Variants in LGALS8 observed in about 807,000 individuals in gnomAD.
LGALS8 encodes galectin 8, also known as galectin-8.
A neutral mutation model predicts 35.9 loss-of-function variants in LGALS8; 30 were observed. The ratio of observed to expected loss-of-function variants is 0.83; its 90% CI spans 0.62 to 1.13. The LOEUF (loss-of-function observed/expected upper bound fraction) is 1.13. Ranked by LOEUF, LGALS8 falls within the 50% of genes most tolerant of loss-of-function variation. The probability of loss-of-function intolerance (pLI) is 0.00; values close to 1 mark genes in which losing one functional copy is unlikely to be tolerated. For synonymous variants in LGALS8, 138 were observed against 136.1 expected, an observed-to-expected ratio of 1.01 and a Z score of -0.10; for missense variants, 366 against 388.7, an observed-to-expected ratio of 0.94 and a Z score of 0.49.
rs772757637 is a variant in LGALS8, at chr1:236,550,962, G to A, written c.*2801G>A. Reference sequence around the variant, plus strand: ...TTTCCAGTTGCTGAATAGTCTTTTGGCACTGATGTTCTACTTCTTCACATT... The same window carrying A: ...TTTCCAGTTGCTGAATAGTCTTTTGACACTGATGTTCTACTTCTTCACATT... On this transcript the variant is annotated 3_prime_UTR_variant, in exon 10 of 10. Transcript: ENST00000366584. 8 of 1,570,356 alleles carry A rather than the reference G, an allele frequency of 5.1e-6. No individual in the cohort carries two copies. Among genetic ancestry groups the A allele is most frequent in the East Asian group, 2.2e-5 (1 of 44,602 alleles).
rs376736363 is a variant in LGALS8 at position 236,546,565 on chromosome 1, T to A, written c.805-1447T>A. On this transcript the variant is annotated intron_variant, in intron 9 of 9. Transcript: ENST00000366584. ...TCCGTGTTCCAGCTGTTCGGCAGCA[T>A]CAGATGGTTGTGAGGGATTCTGTTG... Among the ~76,000 whole-genome samples, 11 of 152,298 alleles carry A rather than the reference T, an allele frequency of 7.2e-5. No homozygotes were observed. The East Asian group carries it at 2.1e-3, about 29-fold the overall frequency.
chr1:236,540,515 C>T, intron 4 of LGALS8, 49 bp from the exon 5 acceptor site: 1 of 1,449,952 alleles, frequency 6.9e-7, no homozygotes, highest in Non-Finnish European at 9.1e-7. Context: ...AATTTATTAA[C>T]TGTTTTTTTT....
At chr1:236,520,596 G>A (rs1008319623), upstream of LGALS8, among the ~76,000 whole-genome samples, 9 of 152,038 alleles carry the variant, frequency 5.9e-5, no homozygotes, top group Admixed American at 1.3e-4. Context: ...GCTTACTTCC[G>A]TCCTCCTTGG....
Position 236,548,055 on chromosome 1 carries a change from A to G in LGALS8, c.848A>G (p.Asn283Ser). The change falls in exon 10 of 10, where the codon AAT becomes AGT. Residue 283 changes from asparagine (N) to serine (S), a missense_variant. By Grantham distance (46) the Asn-to-Ser change is conservative. Transcript: ENST00000366584. The stretch of plus-strand genomic sequence containing the variant: ...GTTAGAGAATTCAAGGTTGCAGTAA[A>G]TGGCGTACACAGCCTGGAGTACAAA... ...CDVREFKVAV[N>S]GVHSLEYKHR... 2 of 1,613,178 alleles carry G rather than the reference A, an allele frequency of 1.2e-6. No individual in the cohort carries two copies. Among genetic ancestry groups the G allele is most frequent in the Non-Finnish European group, 1.7e-6 (2 of 1,179,090 alleles).
rs1369016226 is a variant in LGALS8 at position 236,550,909 on chromosome 1, T to C, written c.*2748T>C. ...GAAACACCACAGAAAGTCTTAGAAA[T>C]AGCTCTGGAGTGGCTCTCCCAGGAC... On this transcript the variant is annotated 3_prime_UTR_variant, in exon 10 of 10. Coordinates refer to ENST00000366584, the MANE Select transcript of LGALS8 (RefSeq NM_201544.4). 3 of 1,601,048 alleles carry C rather than the reference T, an allele frequency of 1.9e-6. No individual in the cohort carries two copies. The highest frequency in any genetic ancestry group is 1.7e-6 in the Non-Finnish European group (2 of 1,175,644).
chr1:236,544,645 G>C lies in LGALS8; in HGVS notation c.639-105G>C, dbSNP rs980913466. ...TCCATGTGGATACGTGTGTTTCATA[G>C]AGTTAGAATCATAGTTCAAGTCTGG... On this transcript the variant is annotated intron_variant, in intron 8 of 9. Coordinates refer to ENST00000366584, the MANE Select transcript of LGALS8 (RefSeq NM_201544.4). The C allele has an allele frequency of 3.7e-6, 3 of 819,142 alleles. No homozygotes were observed. The African/African-American group carries it at 5.2e-5, about 14-fold the overall frequency. The allele number at this position is 819,142 out of a possible 1,614,324, so 50.7% of individuals were successfully genotyped here.
chr1:236,532,899 G>A (rs1661230357), intron 2 of LGALS8, among the ~76,000 whole-genome samples: 1 of 152,178 alleles, frequency 6.6e-6, no homozygotes, highest in Admixed American at 6.5e-5. Flanking sequence ...GCTTTGTCAT[G>A]TATTTAGTGG....
chr1:236,535,472 A>G (rs1029587015), intron 2 of LGALS8, among the ~76,000 whole-genome samples: 3 of 93,628 alleles, frequency 3.2e-5, no homozygotes, highest in African/African-American at 9.7e-5. Context: ...TTTCTCACTT[A>G]TATTACTAAC....
chr1:236,525,445 C>CA (rs1255978957), intron 1 of LGALS8: 41 of 151,222 alleles, frequency 2.7e-4, no homozygotes, highest in African/African-American at 9.9e-4. Context: ...TTCTGTTGCC[C>CA]AGGCTGGAGT....
chr1:236,528,803 G>A (rs868836434), intron 2 of LGALS8, among the ~76,000 whole-genome samples: 9 of 152,200 alleles, frequency 5.9e-5, no homozygotes, highest in South Asian at 2.1e-4. Context: ...TTACAGGCAT[G>A]AGCCACCATG....
chr1:236,534,790 C>T (rs113616054), intron 2 of LGALS8, among the ~76,000 whole-genome samples: 20 of 152,144 alleles, frequency 1.3e-4, no homozygotes, highest in African/African-American at 4.6e-4. Flanking sequence ...GCGGTAGCTT[C>T]TCCCAAAGCT....
upstream of LGALS8, among the ~76,000 whole-genome samples, chr1:236,519,517 T>A (rs1660493688): frequency 6.6e-6 from 1 of 152,224 alleles, no homozygotes; most frequent in Non-Finnish European, 1.5e-5. Flanking sequence ...GATCCTTTTA[T>A]CTGCATAACT....
At chr1:236,538,780 T>C in intron 3 of LGALS8, 99 bp from the exon 4 acceptor site, 2 of 809,058 alleles carry the variant, frequency 2.5e-6, no homozygotes, top group South Asian at 2.8e-5. Context: ...GATTGGTCAG[T>C]CCCTTGTCAC....
chr1:236,530,213 T>C (rs1249427873), intron 2 of LGALS8, among the ~76,000 whole-genome samples: 10 of 152,350 alleles, frequency 6.6e-5, no homozygotes, highest in African/African-American at 2.4e-4. Flanking sequence ...GGTACCCAGT[T>C]TTCTTAGGAA....
In LGALS8 at chr1:236,551,314, C is replaced by T. The variant is rs1178483153; in HGVS notation, c.*3153C>T. On this transcript the variant is annotated 3_prime_UTR_variant, in exon 10 of 10. Transcript: ENST00000366584. ...AACAAAGGAGAATGTACTTTTGTAG[C>T]TTAGATAAGCAATGAATCAGTAAAG... The T allele has an allele frequency of 3.4e-6, 1 of 291,008 alleles. No homozygotes were observed. Among genetic ancestry groups the T allele is most frequent in the Admixed American group, 4.8e-5 (1 of 20,792 alleles). The allele number at this position is 291,008 out of a possible 1,614,324, so 18.0% of individuals were successfully genotyped here.
chr1:236,550,883 T>G lies in LGALS8; in HGVS notation c.*2722T>G. 1 of 1,563,078 alleles carries G rather than the reference T, an allele frequency of 6.4e-7. No homozygotes were observed. The stretch of plus-strand genomic sequence containing the variant: ...ATGAGTGTGAACTCTGAGTAGAGTA[T>G]GAAACACCACAGAAAGTCTTAGAAA... On this transcript the variant is annotated 3_prime_UTR_variant, in exon 10 of 10. Transcript: ENST00000366584.
At chr1:236,529,942 C>T (rs1201433908) in intron 2 of LGALS8, among the ~76,000 whole-genome samples, 5 of 152,170 alleles carry the variant, frequency 3.3e-5, no homozygotes, top group South Asian at 2.1e-4. Context: ...CGTGAACCAC[C>T]GTGGCTGGCC....
In LGALS8 at chr1:236,543,061, T is replaced by C. The variant is rs111324673; in HGVS notation, c.549+274T>C. On this transcript the variant is annotated intron_variant, in intron 7 of 9. Transcript: ENST00000366584. Reference sequence around the variant, plus strand: ...CAAAGGTTTGAAGAGCACCAAATTTTCTTAACTCTATATAAAAATTAAGTT... The same window carrying C: ...CAAAGGTTTGAAGAGCACCAAATTTCCTTAACTCTATATAAAAATTAAGTT... 202 of 1,609,888 alleles carry C rather than the reference T, an allele frequency of 1.3e-4. No individual in the cohort carries two copies. The African/African-American group carries it at 2.5e-3, about 20-fold the overall frequency.
Position 236,537,600 on chromosome 1 carries a change from C to T in LGALS8, c.134+15C>T. 6.5e-7 allele frequency: 1 copy of T among 1,541,408 alleles called. No individual in the cohort carries two copies. Among genetic ancestry groups the T allele is most frequent in the Admixed American group, 1.7e-5 (1 of 59,868 alleles). ...GACGCAGACAGGTAAAATCACTGTG[C>T]TAAAGGAAGGAGCATGAATAGGCTG... On this transcript the variant is annotated intron_variant, in intron 3 of 9. Transcript: ENST00000366584.
Sources: allele counts gnomAD v4.1 joint callset (sites outside exome capture counted in the v4.1 genomes callset), GRCh38; gene constraint gnomAD v4.1.1; transcripts MANE v1.5; gene names NCBI Gene and HGNC (gene_info 2026-07-23, HGNC 2026-07-21).